Variants in MALRD1 observed in about 807,000 individuals in gnomAD.
The protein encoded by MALRD1 is MAM and LDL-receptor class A domain-containing protein 1.
Under a neutral mutation model 242.1 loss-of-function variants are expected in MALRD1, and 247 were observed. That is an observed-to-expected ratio of 1.02 (90% CI 0.92 to 1.13). MALRD1 has a LOEUF of 1.13. Ranked by LOEUF, MALRD1 falls within the 50% of genes most tolerant of loss-of-function variation. MALRD1 has a pLI of 0.00. For synonymous variants in MALRD1, 995 were observed against 866.6 expected, an observed-to-expected ratio of 1.15 and a Z score of -2.60; for missense variants, 2,989 against 2,533.1, an observed-to-expected ratio of 1.18 and a Z score of -3.86.
intron 7 of MALRD1, among the ~76,000 whole-genome samples, chr10:19,126,704 ATTTTTTATTT>A (rs1837294181): frequency 6.6e-6 from 1 of 151,598 alleles, no homozygotes; most frequent in South Asian, 2.1e-4. Context: ...GCAGATTATT[ATTTTTTATTT>A]TTTTTTATTT....
intron 31 of MALRD1, among the ~76,000 whole-genome samples, chr10:19,504,025 A>G (rs187978025): frequency 2.7e-4 from 41 of 152,328 alleles, no homozygotes. Context: ...ACACCCCCAA[A>G]TAATCTTAGC....
intron 1 of MALRD1, among the ~76,000 whole-genome samples, chr10:19,057,348 A>G (rs1834699088): frequency 1.3e-5 from 2 of 152,000 alleles, no homozygotes; most frequent in African/African-American, 4.8e-5. Context: ...TGGTCTGCAG[A>G]CGGCTGCCTT....
At chr10:19,565,881 A>C (rs1836227618) in intron 32 of MALRD1, among the ~76,000 whole-genome samples, 1 of 152,140 alleles carries the variant, frequency 6.6e-6, no homozygotes, top group Non-Finnish European at 1.5e-5. Flanking sequence ...AACTTTGGGC[A>C]AGTTTTAAAT....
At chr10:19,597,432 C>T (rs752559270) in intron 34 of MALRD1, among the ~76,000 whole-genome samples, 4 of 152,034 alleles carry the variant, frequency 2.6e-5, no homozygotes, top group Admixed American at 6.6e-5. Context: ...AATAAGGCCA[C>T]GTTAGAAATA....
rs1422210319 is a variant in MALRD1, at chr10:19,204,929, G to A, written c.2242G>A (p.Ala748Thr). 1.9e-6 allele frequency: 3 copies of A among 1,549,978 alleles called. No individual in the cohort carries two copies. The highest frequency in any genetic ancestry group is 2.6e-6 in the Non-Finnish European group (3 of 1,146,464). ...TAACTATGGCCTGTCAGTGGGAGCA[G>A]CTGAGCTGCAGCTACATATGGAAAA... The part of the protein sequence containing the change: ...FYNYGLSVGA[A>T]ELQLHMENSH... The change falls in exon 17 of 40, where the codon GCT (alanine) becomes ACT (threonine). Residue 748 changes from alanine to threonine, a missense_variant. Coordinates refer to ENST00000454679, the MANE Select transcript of MALRD1 (RefSeq NM_001142308.3).
chr10:19,652,369 C>T (rs895054130), intron 36 of MALRD1, among the ~76,000 whole-genome samples: 2 of 152,194 alleles, frequency 1.3e-5, no homozygotes, highest in Non-Finnish European at 2.9e-5. Flanking sequence ...AATTTTCAAA[C>T]TGCAAGTAGT....
intron 24 of MALRD1, among the ~76,000 whole-genome samples, chr10:19,339,091 G>A (rs1190412937): frequency 6.6e-6 from 1 of 151,572 alleles, no homozygotes; most frequent in African/African-American, 2.4e-5. Context: ...TCCCTAGGAG[G>A]ATGCTTTTCC....
intron 26 of MALRD1, among the ~76,000 whole-genome samples, chr10:19,375,356 A>T (rs1298108216): frequency 6.6e-6 from 1 of 152,182 alleles, no homozygotes; most frequent in Non-Finnish European, 1.5e-5. Flanking sequence ...CAGATATAAG[A>T]TAGTGTAGCT....
chr10:19,288,012 C>T (rs1380291658), intron 21 of MALRD1, among the ~76,000 whole-genome samples: 1 of 151,790 alleles, frequency 6.6e-6, no homozygotes, highest in African/African-American at 2.4e-5. Flanking sequence ...AGCAACATGA[C>T]ATGCAAAGTA....
At position 19,237,741 on chromosome 10, in the gene MALRD1, ATT is replaced by A. The variant is rs549776743; in HGVS notation, c.2992-19941_2992-19940del. On this transcript the variant is annotated intron_variant, in intron 18 of 39. Coordinates refer to ENST00000454679, the MANE Select transcript of MALRD1 (RefSeq NM_001142308.3). ...ATATATAAATATATAATTATATATA[ATT>A]TATATATAAAACCATAATTATATAT... 1.8e-5 allele frequency among the ~76,000 whole-genome samples: 2 copies of A among 111,820 alleles called. 1 individual carries two copies. The highest frequency in any genetic ancestry group is 6.9e-5 in the African/African-American group (2 of 28,878). The allele number at this position is 111,820 out of a possible 152,430, so 73.4% of individuals were successfully genotyped here.
At chr10:19,368,875 G>A (rs1387171407) in intron 26 of MALRD1, among the ~76,000 whole-genome samples, 1 of 141,608 alleles carries the variant, frequency 7.1e-6, no homozygotes, top group African/African-American at 2.7e-5. Context: ...TTGTGTATGT[G>A]TGTGTGTGTG....
In MALRD1 at chr10:19,184,107, G is replaced by T. The variant is rs1588666309; in HGVS notation, c.1951+8779G>T. Among the ~76,000 whole-genome samples, 3 of 152,278 alleles carry T rather than the reference G, an allele frequency of 2.0e-5. No homozygotes were observed. In the East Asian group the frequency reaches 5.8e-4, roughly 29 times the overall value. On this transcript the variant is annotated intron_variant, in intron 14 of 39. Transcript: ENST00000454679. ...TGAATCACTGTTGGATGTAATTTTT[G>T]CCTGGACATAGCGAAATTACAGTGT... is the stretch of plus-strand genomic sequence containing the variant.
rs146677592 is a variant in MALRD1 at position 19,134,430 on chromosome 10, T to C, written c.1203+482T>C. Among the ~76,000 whole-genome samples, 32 of 152,378 alleles carry C rather than the reference T, an allele frequency of 2.1e-4. No homozygotes were observed. The East Asian group carries it at 5.8e-3, about 28-fold the overall frequency. ...AATTAAATTGATATTTTGTGTTGTA[T>C]TAGGTTGGTGCAAATGTAATTGCAG... is the stretch of plus-strand genomic sequence containing the variant. On this transcript the variant is annotated intron_variant, in intron 9 of 39. Transcript: ENST00000454679.
intron 26 of MALRD1, among the ~76,000 whole-genome samples, chr10:19,369,126 A>G (rs987612965): frequency 1.4e-5 from 2 of 140,364 alleles, no homozygotes; most frequent in African/African-American, 2.6e-5. Context: ...ACATTTAAAT[A>G]TTAATTATTT....
chr10:19,375,941 G>C (rs1293147899), intron 26 of MALRD1, among the ~76,000 whole-genome samples: 1 of 152,168 alleles, frequency 6.6e-6, no homozygotes, highest in African/African-American at 2.4e-5. Flanking sequence ...GGCCAGTGTG[G>C]TGAAACCATG....
chr10:19,431,561 T>C (rs2496102), intron 28 of MALRD1, among the ~76,000 whole-genome samples: 96,960 of 151,960 alleles, frequency 0.64, 31,102 homozygotes, highest in Middle Eastern at 0.7. Flanking sequence ...AAATTTCACG[T>C]TGAACATTTT....
intron 21 of MALRD1, among the ~76,000 whole-genome samples, chr10:19,303,514 G>A (rs994648094): frequency 2.6e-5 from 4 of 151,622 alleles, no homozygotes; most frequent in Non-Finnish European, 5.9e-5. Flanking sequence ...GAATTAATGC[G>A]ATTAGCAAAC....
intron 18 of MALRD1, among the ~76,000 whole-genome samples, chr10:19,231,691 C>T (rs1838083583): frequency 6.6e-6 from 1 of 152,106 alleles, no homozygotes; most frequent in Non-Finnish European, 1.5e-5. Context: ...TGTGAGGCCT[C>T]CCCAGCCATG....
chr10:19,483,437 G>A (rs1360006068), intron 29 of MALRD1, among the ~76,000 whole-genome samples: 1 of 151,918 alleles, frequency 6.6e-6, no homozygotes, highest in Non-Finnish European at 1.5e-5. Flanking sequence ...GAATCTATAA[G>A]CAACTGAAGT....
Sources: allele counts gnomAD v4.1 joint callset (sites outside exome capture counted in the v4.1 genomes callset), GRCh38; gene constraint gnomAD v4.1.1; transcripts MANE v1.5; gene names NCBI Gene and HGNC (gene_info 2026-07-23, HGNC 2026-07-21).